Variants in TASOR2 observed in about 807,000 individuals in gnomAD.
TASOR2 encodes transcription activation suppressor family member 2, also known as protein TASOR 2.
In TASOR2, 84 loss-of-function variants were observed where a neutral mutation model predicts 199.5. The observed-to-expected ratio is 0.42, with a 90% CI of 0.35 to 0.50. The LOEUF (loss-of-function observed/expected upper bound fraction) is 0.50. TASOR2 is among the 20% of genes least tolerant of loss of function. The pLI is 0.02. For synonymous variants in TASOR2, 1,103 were observed against 1,046.6 expected, an observed-to-expected ratio of 1.05 and a Z score of -1.04; for missense variants, 2,796 against 2,835.9, an observed-to-expected ratio of 0.99 and a Z score of 0.32.
Position 5,697,363 on chromosome 10 carries a change from G to C in TASOR2, c.-288+12188G>C, listed in dbSNP as rs531203676. Among the ~76,000 whole-genome samples, 206 of 152,336 alleles carry C rather than the reference G, an allele frequency of 1.4e-3. 1 individual carries two copies. The highest frequency in any genetic ancestry group is 3.4e-3 in the Middle Eastern group (1 of 294). ...GAAGTTCCAACAGTTCTGTGACAAA[G>C]ATAAAGTTGCGCAGAAGAAGCATAT... On this transcript the variant is annotated intron_variant, in intron 1 of 20. Transcript: ENST00000328090.
chr10:5,709,184 T>C (rs1831602337), intron 1 of TASOR2, among the ~76,000 whole-genome samples: 1 of 152,192 alleles, frequency 6.6e-6, no homozygotes, highest in Non-Finnish European at 1.5e-5. Context: ...AATTGTGTTC[T>C]GCTTGATTCC....
In TASOR2 at chr10:5,720,844, G is replaced by GT; in HGVS notation, c.47-24dup. 1.3e-6 allele frequency: 2 copies of GT among 1,593,330 alleles called. No homozygotes were observed. The highest frequency in any genetic ancestry group is 8.5e-7 in the Non-Finnish European group (1 of 1,173,698). Reference sequence around the variant, plus strand: ...GTAAATGTTTCATCATAAATAATCAGTTTCTTTTTTACCTTCATTTCTTCA... The same window carrying GT: ...GTAAATGTTTCATCATAAATAATCAGTTTTCTTTTTTACCTTCATTTCTTCA... On this transcript the variant is annotated intron_variant, in intron 5 of 20. Transcript: ENST00000328090. The surrounding 1 kb of genome is among the most constrained non-coding windows in gnomAD (Gnocchi z 5.3).
chr10:5,749,073 C>T, exon 15 of TASOR2: 1 of 1,614,136 alleles, frequency 6.2e-7, no homozygotes, highest in South Asian at 1.1e-5. Flanking sequence ...GCTGCTCTAG[C>T]TGGGTTCCAG....
At chr10:5,749,852 C>T in exon 15 of TASOR2, 1 of 1,614,184 alleles carries the variant, frequency 6.2e-7, no homozygotes, top group Non-Finnish European at 8.5e-7. Flanking sequence ...GAAGCCACTG[C>T]TCAAGAGATG....
intron 1 of TASOR2, among the ~76,000 whole-genome samples, chr10:5,695,007 G>A (rs1319064717): frequency 3.3e-5 from 5 of 152,154 alleles, no homozygotes; most frequent in Non-Finnish European, 7.3e-5. Context: ...ATATTCATAA[G>A]AGATCAGTCT....
intron 20 of TASOR2, 118 bp downstream of exon 21, chr10:5,762,764 A>C: frequency 1.4e-6 from 1 of 701,510 alleles, no homozygotes; most frequent in Non-Finnish European, 2.5e-6. Context: ...TCATGCTATA[A>C]ATTTAAAGTG....
At chr10:5,729,659 G>A (rs1834528188) in intron 10 of TASOR2, among the ~76,000 whole-genome samples, 1 of 152,046 alleles carries the variant, frequency 6.6e-6, no homozygotes, top group Non-Finnish European at 1.5e-5. Context: ...AACTAACTTT[G>A]TGTTTCATTC....
chr10:5,687,229 T>C lies in TASOR2; in HGVS notation c.-288+2054T>C, dbSNP rs1835903928. ...GAAACTTTAGTTAGTTTGGAAACCTTTTGTGTGTTTCTACCCCAGGAGGAA... is the reference window on the plus strand; with the variant it reads ...GAAACTTTAGTTAGTTTGGAAACCTCTTGTGTGTTTCTACCCCAGGAGGAA... On this transcript the variant is annotated intron_variant, in intron 1 of 20. Transcript: ENST00000328090. The surrounding 1 kb of genome is among the most constrained non-coding windows in gnomAD (Gnocchi z 4.8). Among the ~76,000 whole-genome samples, 1 of 152,190 alleles carries C rather than the reference T, an allele frequency of 6.6e-6. No homozygotes were observed. The highest frequency in any genetic ancestry group is 1.5e-5 in the Non-Finnish European group (1 of 68,028).
rs780409444 is a variant in TASOR2, at chr10:5,720,573, C to T, written c.-70C>T. On this transcript the variant is annotated 5_prime_UTR_variant, in exon 4 of 21. Transcript: ENST00000328090. The surrounding 1 kb of genome is among the most constrained non-coding windows in gnomAD (Gnocchi z 5.3). ...ACTTTTACGAACTTTCAGGCAACAC[C>T]GTTATTGAACGACCCAGACAGATCT... is the stretch of plus-strand genomic sequence containing the variant. 108 of 1,605,554 alleles carry T rather than the reference C, an allele frequency of 6.7e-5. No homozygotes were observed. The highest frequency in any genetic ancestry group is 8.0e-5 in the Non-Finnish European group (94 of 1,177,072).
chr10:5,725,838 T>C (rs1160069704), intron 8 of TASOR2, among the ~76,000 whole-genome samples: 1 of 152,154 alleles, frequency 6.6e-6, no homozygotes, highest in Admixed American at 6.5e-5. Context: ...TAGGAGACTA[T>C]GGAGGAGACA....
At chr10:5,716,628 T>C (rs1201045415) in intron 2 of TASOR2, among the ~76,000 whole-genome samples, 2 of 152,038 alleles carry the variant, frequency 1.3e-5, no homozygotes, top group Non-Finnish European at 2.9e-5. Flanking sequence ...ATATTATACA[T>C]TATTGGCTGG....
At chr10:5,714,795 G>C (rs1343736668) in intron 2 of TASOR2, among the ~76,000 whole-genome samples, 1 of 152,118 alleles carries the variant, frequency 6.6e-6, no homozygotes, top group Non-Finnish European at 1.5e-5. Flanking sequence ...TCAGTAAATG[G>C]ACAGTACTAC....
chr10:5,761,749 T>C (rs1022625455), intron 19 of TASOR2: 1 of 249,848 alleles, frequency 4.0e-6, no homozygotes, highest in East Asian at 7.9e-5. Context: ...AAATCAATAC[T>C]GGGGCTGGGT....
At chr10:5,717,747 T>C in exon 3 of TASOR2, 1 of 1,160,668 alleles carries the variant, frequency 8.6e-7, no homozygotes, top group Non-Finnish European at 1.1e-6. Flanking sequence ...TTAATATAAT[T>C]AAGGTAAAGC....
rs183909333 is a variant in TASOR2, at chr10:5,685,760, A to C, written c.-288+585A>C. Among the ~76,000 whole-genome samples, 2 of 152,316 alleles carry C rather than the reference A, an allele frequency of 1.3e-5. No individual in the cohort carries two copies. Among genetic ancestry groups the C allele is most frequent in the African/African-American group, 4.8e-5 (2 of 41,572 alleles). ...TGGGAGAACTGGGTTGATGACTGAA[A>C]TTTTGAGGAAGATTACTTTGGGAAT... On this transcript the variant is annotated intron_variant, in intron 1 of 20. Transcript: ENST00000328090. The surrounding 1 kb of genome is among the most constrained non-coding windows in gnomAD (Gnocchi z 5.4).
At chr10:5,727,332 G>T (rs1834175765) in intron 10 of TASOR2, among the ~76,000 whole-genome samples, 1 of 152,100 alleles carries the variant, frequency 6.6e-6, no homozygotes, top group Non-Finnish European at 1.5e-5. Flanking sequence ...CTTGTCTACT[G>T]ACATTGCCAC....
chr10:5,747,532 C>A (rs1367942771), exon 15 of TASOR2: 1 of 1,613,988 alleles, frequency 6.2e-7, no homozygotes, highest in Non-Finnish European at 8.5e-7. Flanking sequence ...TACTTTAATA[C>A]TTTCTAAAGA....
rs1588827409 is a variant in TASOR2, at chr10:5,738,212, C to CT, written c.1448-1404dup. ...TTTAATGTAGTTCCTTTGGCATTGTCTTATGTATGTCTTAAATAGAAATTA... is the reference window on the plus strand; with the variant it reads ...TTTAATGTAGTTCCTTTGGCATTGTCTTTATGTATGTCTTAAATAGAAATTA... On this transcript the variant is annotated intron_variant, in intron 12 of 20. Transcript: ENST00000328090. This position sits in a 1 kb window ranked among gnomAD's most constrained non-coding sequence, Gnocchi z 4.7. Among the ~76,000 whole-genome samples, 1 of 151,814 alleles carries CT rather than the reference C, an allele frequency of 6.6e-6. No individual in the cohort carries two copies.
chr10:5,702,602 T>C (rs1838006244), intron 1 of TASOR2, among the ~76,000 whole-genome samples: 1 of 151,718 alleles, frequency 6.6e-6, no homozygotes, highest in African/African-American at 2.4e-5. Context: ...GAAGAGTTTT[T>C]ATTATAGCTT....
Sources: allele counts gnomAD v4.1 joint callset (sites outside exome capture counted in the v4.1 genomes callset), GRCh38; gene constraint gnomAD v4.1.1; non-coding constraint Gnocchi (gnomAD v3.1); transcripts MANE v1.5; gene names NCBI Gene and HGNC (gene_info 2026-07-23, HGNC 2026-07-21).